TAOK3: variants seen among roughly 807,000 people sequenced by gnomAD.
TAOK3 encodes the protein serine/threonine-protein kinase TAO3.
TAOK3 carries 40 observed loss-of-function variants against 120.4 expected under a neutral mutation model. The ratio of observed to expected loss-of-function variants is 0.33; its 90% CI spans 0.26 to 0.43. The LOEUF is 0.43. Ranked by LOEUF, TAOK3 falls within the 20% of genes least tolerant of loss-of-function variation. TAOK3 has a pLI of 1.00. For missense variants in TAOK3, 821 were observed against 1,112.1 expected (o/e 0.74, Z 3.72); for synonymous variants, 355 against 387.5 (o/e 0.92, Z 0.99).
chr12:118,187,882 C>A (rs529256556), intron 14 of TAOK3, among the ~76,000 whole-genome samples: 1 of 152,282 alleles, frequency 6.6e-6, no homozygotes, highest in African/African-American at 2.4e-5. Context: ...CCTGAGGACA[C>A]TGCCCATAGC....
chr12:118,188,732 G>A (rs1456244862), intron 14 of TAOK3, among the ~76,000 whole-genome samples: 3 of 152,110 alleles, frequency 2.0e-5, no homozygotes, highest in Non-Finnish European at 4.4e-5. Context: ...TTTCTGGGTC[G>A]GCCTTGGATG....
intron 1 of TAOK3, among the ~76,000 whole-genome samples, chr12:118,364,638 T>G (rs1309172329): frequency 6.6e-6 from 1 of 152,218 alleles, no homozygotes; most frequent in African/African-American, 2.4e-5. Context: ...CCAGGCACAG[T>G]GGCTGGTGCC....
chr12:118,192,145 G>A (rs2037465225), intron 13 of TAOK3, among the ~76,000 whole-genome samples: 2 of 152,036 alleles, frequency 1.3e-5, no homozygotes, highest in Non-Finnish European at 1.5e-5. Flanking sequence ...TTAGAAACAC[G>A]GTTTAGGGCT....
chr12:118,211,824 T>C (rs1303057681), intron 11 of TAOK3, among the ~76,000 whole-genome samples: 1 of 152,110 alleles, frequency 6.6e-6, no homozygotes, highest in Non-Finnish European at 1.5e-5. Context: ...TATGTCTTGG[T>C]TTTTTGTTTG....
At chr12:118,152,094 C>T in intron 20 of TAOK3, 133 bp downstream of exon 20, 1 of 799,168 alleles carries the variant, frequency 1.3e-6, no homozygotes, top group Non-Finnish European at 1.9e-6. Context: ...CACAAGGGTA[C>T]CAGTAGCATA....
At chr12:118,181,045 AT>A (rs2036684837) in intron 15 of TAOK3, among the ~76,000 whole-genome samples, 1 of 151,920 alleles carries the variant, frequency 6.6e-6, no homozygotes, top group Non-Finnish European at 1.5e-5. Flanking sequence ...GAGTTTCACC[AT>A]GTTGGCCAGG....
intron 1 of TAOK3, among the ~76,000 whole-genome samples, chr12:118,295,532 C>T (rs1217972760): frequency 1.3e-5 from 2 of 152,154 alleles, no homozygotes; most frequent in African/African-American, 2.4e-5. Context: ...AACCACATTT[C>T]ATTTTGTGTA....
At chr12:118,363,727 A>AGT (rs552898130) in intron 1 of TAOK3, among the ~76,000 whole-genome samples, 8,704 of 147,292 alleles carry the variant, frequency 0.059, 327 homozygotes, top group African/African-American at 0.11. Flanking sequence ...TGGTCAAGGC[A>AGT]GTGTGTGTGT....
At chr12:118,307,071 T>C (rs1014744318) in intron 1 of TAOK3, among the ~76,000 whole-genome samples, 25 of 152,208 alleles carry the variant, frequency 1.6e-4, no homozygotes, top group Admixed American at 1.3e-3. Flanking sequence ...TATGTGGAAA[T>C]AGAATAATAA....
At chr12:118,271,633 T>A (rs1177542539) in intron 1 of TAOK3, among the ~76,000 whole-genome samples, 1 of 152,232 alleles carries the variant, frequency 6.6e-6, no homozygotes, top group African/African-American at 2.4e-5. Flanking sequence ...CTAGAATTAT[T>A]CATGTATAAG....
chr12:118,250,043 AT>A (rs1424710266), intron 3 of TAOK3, among the ~76,000 whole-genome samples: 1 of 152,194 alleles, frequency 6.6e-6, no homozygotes, highest in Non-Finnish European at 1.5e-5. Context: ...AAAAATGAAC[AT>A]GCGCAGTCCT....
At chr12:118,311,125 A>C (rs2043244298) in intron 1 of TAOK3, among the ~76,000 whole-genome samples, 1 of 152,186 alleles carries the variant, frequency 6.6e-6, no homozygotes, top group African/African-American at 2.4e-5. Flanking sequence ...AATGAAATAA[A>C]ACTGTACATT....
At chr12:118,281,989 C>A (rs917557587) in intron 1 of TAOK3, among the ~76,000 whole-genome samples, 1 of 152,066 alleles carries the variant, frequency 6.6e-6, no homozygotes, top group Non-Finnish European at 1.5e-5. Context: ...AATACTCTTG[C>A]GGTTTGTGGC....
intron 1 of TAOK3, among the ~76,000 whole-genome samples, chr12:118,270,968 C>G (rs1415680061): frequency 1.3e-5 from 2 of 152,058 alleles, no homozygotes; most frequent in African/African-American, 4.8e-5. Flanking sequence ...TGAGCCACCA[C>G]GCCCGGCTAA....
rs2045906584 is a variant in TAOK3, at chr12:118,371,871, C to G, written c.-194+777G>C. Among the ~76,000 whole-genome samples, 1 of 152,060 alleles carries G rather than the reference C, an allele frequency of 6.6e-6. No homozygotes were observed. The highest frequency in any genetic ancestry group is 2.4e-5 in the African/African-American group (1 of 41,432). ...AGTCCCACGCTCGCATGCGCTGTCCCGAGCCCTCTGGGGGTCCCCTCCTCT... is the reference window on the plus strand; with the variant it reads ...AGTCCCACGCTCGCATGCGCTGTCCGGAGCCCTCTGGGGGTCCCCTCCTCT... On this transcript the variant is annotated intron_variant, in intron 1 of 20. Coordinates refer to ENST00000392533, the MANE Select transcript of TAOK3 (RefSeq NM_016281.4). This position sits in a 1 kb window ranked among gnomAD's most constrained non-coding sequence, Gnocchi z 5.5.
At chr12:118,354,682 T>C (rs1303575864) in intron 1 of TAOK3, among the ~76,000 whole-genome samples, 1 of 152,150 alleles carries the variant, frequency 6.6e-6, no homozygotes, top group East Asian at 1.9e-4. Context: ...CGTGCTGTTC[T>C]TGTGATACAG....
intron 17 of TAOK3, among the ~76,000 whole-genome samples, chr12:118,169,530 C>T (rs1156836245): frequency 2.0e-5 from 3 of 151,638 alleles, no homozygotes; most frequent in East Asian, 3.9e-4. Context: ...AGGCTGGTCT[C>T]GAACTCCTGA....
intron 17 of TAOK3, among the ~76,000 whole-genome samples, chr12:118,166,534 G>A (rs1319324874): frequency 2.1e-5 from 3 of 141,390 alleles, no homozygotes; most frequent in Non-Finnish European, 3.0e-5. Flanking sequence ...GCGAAACTCC[G>A]TCTCAAAAAA....
chr12:118,169,967 C>T (rs988590952), intron 17 of TAOK3, among the ~76,000 whole-genome samples: 10 of 150,956 alleles, frequency 6.6e-5, no homozygotes, highest in African/African-American at 9.8e-5. Context: ...GTGATCCGCC[C>T]GCCTCGGCTT....
Sources: allele counts gnomAD v4.1 joint callset (sites outside exome capture counted in the v4.1 genomes callset), GRCh38; gene constraint gnomAD v4.1.1; non-coding constraint Gnocchi (gnomAD v3.1); transcripts MANE v1.5; gene names NCBI Gene and HGNC (gene_info 2026-07-23, HGNC 2026-07-21).